Variants in ZNF804B observed in about 807,000 individuals in gnomAD.
ZNF804B encodes the protein zinc finger 804B.
In ZNF804B, 80 loss-of-function variants were observed where a neutral mutation model predicts 101.4. The ratio of observed to expected loss-of-function variants is 0.79; its 90% CI spans 0.66 to 0.95. The LOEUF (loss-of-function observed/expected upper bound fraction) is 0.95. Among genes scored for constraint, ZNF804B ranks in the 40% least tolerant of loss-of-function variants. ZNF804B has a pLI of 0.00. For synonymous variants in ZNF804B, 622 were observed against 558.8 expected (o/e 1.11, Z -1.59); for missense variants, 1,673 against 1,561.9 (o/e 1.07, Z -1.20).
At chr7:89,215,760 G>A (rs1788883131) in intron 1 of ZNF804B, among the ~76,000 whole-genome samples, 1 of 151,766 alleles carries the variant, frequency 6.6e-6, no homozygotes, top group South Asian at 2.1e-4. Flanking sequence ...GCGGGCTCCT[G>A]TAGTGCAAGC....
intron 2 of ZNF804B, among the ~76,000 whole-genome samples, chr7:89,228,202 G>C (rs1562922743): frequency 1.3e-5 from 2 of 152,056 alleles, no homozygotes; most frequent in African/African-American, 4.8e-5. Context: ...CCTTCGCAGT[G>C]AGTGTTACAG....
At chr7:89,225,164 C>G (rs1439273077) in intron 2 of ZNF804B, among the ~76,000 whole-genome samples, 1 of 152,006 alleles carries the variant, frequency 6.6e-6, no homozygotes, top group Non-Finnish European at 1.5e-5. Flanking sequence ...TTTTCCAGTT[C>G]TAATGTCCTG....
At chr7:89,243,352 C>G (rs1361992805) in intron 2 of ZNF804B, among the ~76,000 whole-genome samples, 1 of 151,690 alleles carries the variant, frequency 6.6e-6, no homozygotes, top group Non-Finnish European at 1.5e-5. Context: ...TGGGGCTTCT[C>G]TCTAGGTATA....
intron 1 of ZNF804B, among the ~76,000 whole-genome samples, chr7:88,888,600 CTGAT>C (rs1792169424): frequency 6.6e-6 from 1 of 151,982 alleles, no homozygotes; most frequent in Admixed American, 6.6e-5. Flanking sequence ...AAAAAAAAGA[CTGAT>C]TGCCTATCAG....
chr7:88,832,109 G>A (rs1791142786), intron 1 of ZNF804B, among the ~76,000 whole-genome samples: 1 of 150,898 alleles, frequency 6.6e-6, no homozygotes, highest in Admixed American at 6.6e-5. Flanking sequence ...TTAAACAATT[G>A]TGGCATATGC....
chr7:89,065,676 A>T (rs942692955), intron 1 of ZNF804B, among the ~76,000 whole-genome samples: 1 of 152,058 alleles, frequency 6.6e-6, no homozygotes, highest in Non-Finnish European at 1.5e-5. Flanking sequence ...TGTTTCTTCT[A>T]AAGGCTTCTG....
At chr7:89,185,250 T>C (rs986004810) in intron 1 of ZNF804B, among the ~76,000 whole-genome samples, 2 of 152,160 alleles carry the variant, frequency 1.3e-5, no homozygotes, top group African/African-American at 4.8e-5. Context: ...AGCTATAAAC[T>C]TGATTTGGAC....
intron 2 of ZNF804B, among the ~76,000 whole-genome samples, chr7:89,306,889 T>C (rs1790569721): frequency 6.6e-6 from 1 of 151,954 alleles, no homozygotes; most frequent in Admixed American, 6.6e-5. Flanking sequence ...CAGCCATTGT[T>C]CAGATGTGTA....
At chr7:88,868,203 C>G (rs1290365459) in intron 1 of ZNF804B, among the ~76,000 whole-genome samples, 1 of 152,022 alleles carries the variant, frequency 6.6e-6, no homozygotes, top group Non-Finnish European at 1.5e-5. Context: ...CTTCCCTTTA[C>G]TGATAGCCTG....
At chr7:89,044,029 T>C (rs1789061514) in intron 1 of ZNF804B, among the ~76,000 whole-genome samples, 1 of 152,204 alleles carries the variant, frequency 6.6e-6, no homozygotes, top group African/African-American at 2.4e-5. Context: ...ACATGGATTA[T>C]GTTATTATGA....
At chr7:88,884,991 T>A (rs1192655644) in intron 1 of ZNF804B, among the ~76,000 whole-genome samples, 4 of 151,878 alleles carry the variant, frequency 2.6e-5, no homozygotes, top group Non-Finnish European at 5.9e-5. Context: ...CACTTTGAGC[T>A]TAAGGTGCTC....
chr7:89,009,699 G>A (rs1788424347), intron 1 of ZNF804B, among the ~76,000 whole-genome samples: 1 of 152,196 alleles, frequency 6.6e-6, no homozygotes, highest in Non-Finnish European at 1.5e-5. Flanking sequence ...TGAGGACACA[G>A]GGAGAAGATG....
At chr7:89,054,321 T>C (rs1244972389) in intron 1 of ZNF804B, among the ~76,000 whole-genome samples, 1 of 148,074 alleles carries the variant, frequency 6.8e-6, no homozygotes, top group Non-Finnish European at 1.5e-5. Flanking sequence ...CTAATATATA[T>C]TTATATATTA....
chr7:89,066,340 C>G (rs1234521853), intron 1 of ZNF804B, among the ~76,000 whole-genome samples: 1 of 152,040 alleles, frequency 6.6e-6, no homozygotes, highest in Non-Finnish European at 1.5e-5. Context: ...CACAATGAAG[C>G]CTTGATCCTG....
chr7:89,279,029 A>T (rs909032132), intron 2 of ZNF804B, among the ~76,000 whole-genome samples: 354 of 152,176 alleles, frequency 2.3e-3, no homozygotes, highest in African/African-American at 7.7e-3. Flanking sequence ...AATTTCATTG[A>T]GCAGTGGTTT....
chr7:89,019,940 A>T (rs1042507456), intron 1 of ZNF804B, among the ~76,000 whole-genome samples: 11 of 150,546 alleles, frequency 7.3e-5, no homozygotes, highest in Non-Finnish European at 1.2e-4. Context: ...TAATCAATTT[A>T]TACCCAAGGA....
chr7:88,764,874 T>G (rs117666679), intron 1 of ZNF804B, among the ~76,000 whole-genome samples: 1,665 of 152,258 alleles, frequency 0.011, 21 homozygotes, highest in Non-Finnish European at 0.019. Flanking sequence ...ATACTACCTT[T>G]CATGTTGGAA....
At chr7:88,877,063 T>TGAAAAAAAAAATATATATATA (rs1791964767) in intron 1 of ZNF804B, among the ~76,000 whole-genome samples, 1 of 63,480 alleles carries the variant, frequency 1.6e-5, no homozygotes, top group Admixed American at 1.6e-4. Context: ...TTTTTTTTTT[T>TGAAAAAAAAAATATATATATA]TTTTTTTTTT....
chr7:88,847,345 G>GA (rs1183188833), intron 1 of ZNF804B, among the ~76,000 whole-genome samples: 1 of 151,886 alleles, frequency 6.6e-6, no homozygotes, highest in African/African-American at 2.4e-5. Context: ...GACTTGTTAA[G>GA]AAATCAAAAT....
Sources: allele counts gnomAD v4.1 joint callset (sites outside exome capture counted in the v4.1 genomes callset), GRCh38; gene constraint gnomAD v4.1.1; transcripts MANE v1.5; gene names NCBI Gene and HGNC (gene_info 2026-07-23, HGNC 2026-07-21).